Variants in SPAG16 observed in about 807,000 individuals in gnomAD.
The protein encoded by SPAG16 is sperm-associated antigen 16 protein.
SPAG16 carries 86 observed loss-of-function variants against 80.4 expected under a neutral mutation model. The ratio of observed to expected loss-of-function variants is 1.07; its 90% CI spans 0.90 to 1.28. The LOEUF (loss-of-function observed/expected upper bound fraction) is 1.28, where lower values mean the gene tolerates loss of function less well. Among genes scored for constraint, SPAG16 ranks in the 50% most tolerant of loss-of-function variants. SPAG16 has a pLI of 0.00. For synonymous variants in SPAG16, 294 were observed against 265.9 expected (o/e 1.11, Z -1.03); for missense variants, 870 against 765.3 (o/e 1.14, Z -1.61).
intron 14 of SPAG16, among the ~76,000 whole-genome samples, chr2:214,126,690 AG>A (rs2054513850): frequency 6.6e-6 from 1 of 151,764 alleles, no homozygotes; most frequent in Non-Finnish European, 1.5e-5. Context: ...TGCCAAATTG[AG>A]GAACACCTTA....
At chr2:213,854,430 G>A (rs1233122994) in intron 10 of SPAG16, among the ~76,000 whole-genome samples, 2 of 152,158 alleles carry the variant, frequency 1.3e-5, no homozygotes, top group Non-Finnish European at 2.9e-5. Flanking sequence ...CAAATGCCCT[G>A]ATGGATCAGT....
intron 15 of SPAG16, among the ~76,000 whole-genome samples, chr2:214,368,745 C>T (rs1301397205): frequency 6.6e-6 from 1 of 152,062 alleles, no homozygotes; most frequent in Admixed American, 6.6e-5. Flanking sequence ...ATTCCTCGTA[C>T]TCCAATGACA....
Position 213,979,191 on chromosome 2 carries a change from A to T in SPAG16, c.1401-34760A>T, listed in dbSNP as rs529610158. ...GTGGGGACTCCTAGGAGTCTCTTGG[A>T]GGCTGACTACTACACTACAACTTCT... On this transcript the variant is annotated intron_variant, in intron 12 of 15. Transcript: ENST00000331683. Among the ~76,000 whole-genome samples, 44 of 152,054 alleles carry T rather than the reference A, an allele frequency of 2.9e-4. No individual in the cohort carries two copies. In the South Asian group the frequency reaches 8.7e-3, roughly 30 times the overall value.
intron 10 of SPAG16, among the ~76,000 whole-genome samples, chr2:213,582,006 A>G (rs1004565483): frequency 6.6e-6 from 1 of 152,172 alleles, no homozygotes; most frequent in Admixed American, 6.6e-5. Flanking sequence ...TTGGTTAATT[A>G]TGAAATGCAA....
intron 13 of SPAG16, among the ~76,000 whole-genome samples, chr2:214,065,875 GT>G (rs1489458643): frequency 6.6e-6 from 1 of 152,074 alleles, no homozygotes; most frequent in Non-Finnish European, 1.5e-5. Flanking sequence ...TTTGACTTCT[GT>G]TTGACCAGCT....
intron 10 of SPAG16, among the ~76,000 whole-genome samples, chr2:213,808,055 A>G (rs1378522758): frequency 6.6e-6 from 1 of 152,200 alleles, no homozygotes; most frequent in Non-Finnish European, 1.5e-5. Flanking sequence ...GACACTGGAC[A>G]ATGAGATCTA....
At chr2:213,600,400 C>T (rs2061022500) in intron 10 of SPAG16, among the ~76,000 whole-genome samples, 1 of 152,186 alleles carries the variant, frequency 6.6e-6, no homozygotes, top group Non-Finnish European at 1.5e-5. Context: ...GGTTCAAAAT[C>T]ATCAATTTTA....
intron 10 of SPAG16, among the ~76,000 whole-genome samples, chr2:213,732,105 A>G (rs924934869): frequency 6.6e-6 from 1 of 152,192 alleles, no homozygotes; most frequent in African/African-American, 2.4e-5. Flanking sequence ...GGTGTAAGGA[A>G]GGGATCCAGT....
At chr2:213,295,543 A>G (rs1482167259) in intron 1 of SPAG16, among the ~76,000 whole-genome samples, 1 of 152,112 alleles carries the variant, frequency 6.6e-6, no homozygotes, top group Non-Finnish European at 1.5e-5. Flanking sequence ...TTTTACTGAT[A>G]AAAGCATTGA....
At chr2:214,288,395 G>GCCT (rs1693531507) in intron 15 of SPAG16, among the ~76,000 whole-genome samples, 1 of 152,170 alleles carries the variant, frequency 6.6e-6, no homozygotes, top group East Asian at 1.9e-4. Context: ...GCAAGTGCAG[G>GCCT]TAGGTATCCC....
chr2:213,335,550 T>C (rs2064314017), intron 5 of SPAG16, among the ~76,000 whole-genome samples: 1 of 150,700 alleles, frequency 6.6e-6, no homozygotes, highest in African/African-American at 2.4e-5. Context: ...ATATTATTTC[T>C]CAATTTATGT....
At chr2:214,385,719 C>A (rs1207199695) in intron 15 of SPAG16, among the ~76,000 whole-genome samples, 1 of 152,116 alleles carries the variant, frequency 6.6e-6, no homozygotes, top group Non-Finnish European at 1.5e-5. Flanking sequence ...TGGCACGCAC[C>A]TGTAGTCCTA....
chr2:213,792,112 AAAAAC>A (rs1328714182), intron 10 of SPAG16, among the ~76,000 whole-genome samples: 2 of 152,260 alleles, frequency 1.3e-5, no homozygotes, highest in African/African-American at 4.8e-5. Flanking sequence ...GTTACCAATT[AAAAAC>A]AAAACAAAAC....
chr2:213,619,859 C>T (rs910475479), intron 10 of SPAG16, among the ~76,000 whole-genome samples: 11 of 152,206 alleles, frequency 7.2e-5, no homozygotes, highest in African/African-American at 2.6e-4. Context: ...GGCATCTGCA[C>T]CCCCATGTTT....
chr2:214,177,401 G>A (rs2057127282), intron 15 of SPAG16, among the ~76,000 whole-genome samples: 1 of 150,964 alleles, frequency 6.6e-6, no homozygotes, highest in Non-Finnish European at 1.5e-5. Flanking sequence ...AATTCTTAAT[G>A]GGACCTATGG....
At chr2:213,495,845 C>G (rs1283266844) in intron 10 of SPAG16, among the ~76,000 whole-genome samples, 1 of 151,948 alleles carries the variant, frequency 6.6e-6, no homozygotes, top group East Asian at 1.9e-4. Context: ...GGAGCATATC[C>G]AAAATATTGT....
intron 15 of SPAG16, among the ~76,000 whole-genome samples, chr2:214,302,621 T>C (rs905639293): frequency 1.3e-5 from 2 of 151,956 alleles, no homozygotes; most frequent in Non-Finnish European, 2.9e-5. Context: ...GCTGGAATTA[T>C]AGGTGTGCAC....
intron 13 of SPAG16, among the ~76,000 whole-genome samples, chr2:214,026,289 A>C (rs1209685826): frequency 6.6e-6 from 1 of 151,492 alleles, no homozygotes; most frequent in Non-Finnish European, 1.5e-5. Flanking sequence ...GTATATTTTT[A>C]TTAGTTTAGA....
At chr2:213,869,022 C>CAGGCGGATCACCTGAGGT in intron 11 of SPAG16, among the ~76,000 whole-genome samples, 1 of 151,766 alleles carries the variant, frequency 6.6e-6, no homozygotes, top group Non-Finnish European at 1.5e-5. Context: ...GAGGCTGAGG[C>CAGGCGGATCACCTGAGGT]AGGCGGATCA....
Sources: allele counts gnomAD v4.1 joint callset (sites outside exome capture counted in the v4.1 genomes callset), GRCh38; gene constraint gnomAD v4.1.1; transcripts MANE v1.5; gene names NCBI Gene and HGNC (gene_info 2026-07-23, HGNC 2026-07-21).